Variants in SAMD12 observed in about 807,000 individuals in gnomAD.
The protein encoded by SAMD12 is sterile alpha motif domain containing 12.
SAMD12 carries 9 observed loss-of-function variants against 15.0 expected under a neutral mutation model. The ratio of observed to expected loss-of-function variants is 0.60; its 90% CI spans 0.36 to 1.05. The LOEUF is 1.05. Among genes scored for constraint, SAMD12 ranks in the 50% least tolerant of loss-of-function variants. The probability of loss-of-function intolerance (pLI) is 0.01; values close to 1 mark genes in which losing one functional copy is unlikely to be tolerated. For missense variants in SAMD12, 230 were observed against 234.2 expected (o/e 0.98, Z 0.12); for synonymous variants, 86 against 90.1 (o/e 0.96, Z 0.25).
chr8:118,580,309 A>G (rs954836409), intron 2 of SAMD12, among the ~76,000 whole-genome samples: 1 of 152,194 alleles, frequency 6.6e-6, no homozygotes, highest in Admixed American at 6.5e-5. Flanking sequence ...TTCCACAAGC[A>G]TACAATCGTT....
chr8:118,264,849 C>G (rs10505332), intron 4 of SAMD12, among the ~76,000 whole-genome samples: 5,315 of 152,226 alleles, frequency 0.035, 337 homozygotes, highest in African/African-American at 0.12. Flanking sequence ...AGATCACCAA[C>G]AGAGCAAGGT....
the SAMD12 span, among the ~76,000 whole-genome samples, chr8:118,158,738 C>A: frequency 6.6e-6 from 1 of 152,128 alleles, no homozygotes; most frequent in African/African-American, 2.4e-5. Flanking sequence ...GCATGCACTT[C>A]CTCCCCTCCG....
chr8:118,578,819 T>C (rs1827215758), intron 2 of SAMD12, among the ~76,000 whole-genome samples: 1 of 152,178 alleles, frequency 6.6e-6, no homozygotes, highest in South Asian at 2.1e-4. Flanking sequence ...CTCTAGTCTG[T>C]TCACCCCTAA....
rs1297117083 is a variant in SAMD12, at chr8:118,248,220, ATAAT to A, written c.434-50492_434-50489del. On this transcript the variant is annotated intron_variant, in intron 4 of 4. Coordinates refer to the SAMD12 transcript ENST00000409003. ...TACCCCAAATATAGCCTGATTTCAA[ATAAT>A]TAATCATTTTCTTATACAAAACACT... 3.3e-5 allele frequency among the ~76,000 whole-genome samples: 5 copies of A among 152,282 alleles called. No individual in the cohort carries two copies. The East Asian group carries it at 5.8e-4, about 18-fold the overall frequency.
chr8:118,187,660 G>C (rs2129714287), downstream of SAMD12, among the ~76,000 whole-genome samples: 1 of 152,256 alleles, frequency 6.6e-6, no homozygotes, highest in South Asian at 2.1e-4. Context: ...TTACCCAAAT[G>C]CTGAGATGAC....
At chr8:118,534,206 T>C (rs1183228630) in intron 2 of SAMD12, among the ~76,000 whole-genome samples, 1 of 152,128 alleles carries the variant, frequency 6.6e-6, no homozygotes, top group Non-Finnish European at 1.5e-5. Context: ...TTATGAAGCT[T>C]AGTTTGGCTG....
chr8:118,376,249 T>C (rs1819382919), downstream of SAMD12, among the ~76,000 whole-genome samples: 1 of 152,176 alleles, frequency 6.6e-6, no homozygotes, highest in South Asian at 2.1e-4. Flanking sequence ...TAGTAAATAT[T>C]TGTTAAATAT....
chr8:118,558,265 T>C (rs1205104079), intron 2 of SAMD12, among the ~76,000 whole-genome samples: 1 of 152,210 alleles, frequency 6.6e-6, no homozygotes, highest in African/African-American at 2.4e-5. Context: ...ATCAAGATTC[T>C]TTATTTTGTT....
intron 3 of SAMD12, among the ~76,000 whole-genome samples, chr8:118,386,593 G>T (rs744082): frequency 2.0e-5 from 3 of 152,064 alleles, no homozygotes; most frequent in African/African-American, 7.2e-5. Context: ...TTCTGACTAC[G>T]GCACAGGGTT....
chr8:118,426,381 G>A (rs1586706530), intron 3 of SAMD12, among the ~76,000 whole-genome samples: 1 of 152,246 alleles, frequency 6.6e-6, no homozygotes, highest in Middle Eastern at 3.4e-3. Context: ...ATTGTTGAAA[G>A]CCACTAACTC....
intron 2 of SAMD12, among the ~76,000 whole-genome samples, chr8:118,459,938 G>A (rs779858932): frequency 3.3e-5 from 5 of 152,310 alleles, no homozygotes; most frequent in East Asian, 3.9e-4. Flanking sequence ...CAAGTGCCAT[G>A]GAAGGCAATA....
intron 1 of SAMD12, among the ~76,000 whole-genome samples, chr8:118,590,998 A>G (rs1208522711): frequency 6.6e-6 from 1 of 152,184 alleles, no homozygotes. Context: ...TAAACAAAAT[A>G]AAAAGCTCAG....
intron 3 of SAMD12, among the ~76,000 whole-genome samples, chr8:118,436,134 C>G (rs12681600): frequency 0.47 from 70,923 of 151,934 alleles, 18,067 homozygotes; most frequent in Admixed American, 0.58. Flanking sequence ...GTTTTCCATG[C>G]AAGCACAATT....
chr8:118,171,415 T>C, the SAMD12 span, among the ~76,000 whole-genome samples: 81 of 152,236 alleles, frequency 5.3e-4, no homozygotes, highest in African/African-American at 1.9e-3. Flanking sequence ...ACCTATAACA[T>C]AGAAGTAGAA....
intron 3 of SAMD12, chr8:118,394,649 A>G (rs1820458602): frequency 6.6e-6 from 1 of 152,192 alleles, no homozygotes; most frequent in Admixed American, 6.5e-5. Flanking sequence ...TGTAGTGCCA[A>G]TATCCTGACT....
At chr8:118,411,208 A>G (rs1563839430) in intron 3 of SAMD12, among the ~76,000 whole-genome samples, 1 of 152,208 alleles carries the variant, frequency 6.6e-6, no homozygotes, top group East Asian at 1.9e-4. Context: ...AGATGAGTTA[A>G]AAAAGGAAAT....
At chr8:118,591,430 T>C (rs1827583110) in intron 1 of SAMD12, among the ~76,000 whole-genome samples, 1 of 152,206 alleles carries the variant, frequency 6.6e-6, no homozygotes, top group Admixed American at 6.5e-5. Flanking sequence ...TATTATTGTG[T>C]TGATAAAGAG....
downstream of SAMD12, among the ~76,000 whole-genome samples, chr8:118,188,631 G>A (rs1460977364): frequency 1.3e-5 from 2 of 152,088 alleles, no homozygotes; most frequent in Admixed American, 6.6e-5. Flanking sequence ...TACTGGTTGA[G>A]GCAATTCATC....
chr8:118,153,508 C>T, the SAMD12 span, among the ~76,000 whole-genome samples: 2 of 152,292 alleles, frequency 1.3e-5, no homozygotes, highest in South Asian at 4.2e-4. Flanking sequence ...TAATCTATTT[C>T]CTTCTGCAAA....
Sources: gnomAD v4.1 joint callset for allele counts (sites outside exome capture counted in the v4.1 genomes callset) on GRCh38, gnomAD v4.1.1 for gene constraint, MANE v1.5 for transcripts, NCBI Gene and HGNC (gene_info 2026-07-23, HGNC 2026-07-21) for gene names.